Variants in FNDC3B observed in about 807,000 individuals in gnomAD.
FNDC3B encodes the protein fibronectin type III domain containing 3B, also known as fibronectin type III domain-containing protein 3B.
Under a neutral mutation model 151.5 loss-of-function variants are expected in FNDC3B, and 12 were observed. That is an observed-to-expected ratio of 0.08 (90% CI 0.05 to 0.13). The LOEUF (loss-of-function observed/expected upper bound fraction) is 0.13. FNDC3B is among the 10% of genes least tolerant of loss of function. The pLI, the probability that FNDC3B is intolerant of heterozygous loss-of-function variation, is 1.00. For synonymous variants in FNDC3B, 528 were observed against 549.0 expected (o/e 0.96, Z 0.54); for missense variants, 1,214 against 1,505.3 (o/e 0.81, Z 3.20).
intron 2 of FNDC3B, among the ~76,000 whole-genome samples, chr3:172,114,125 T>G (rs1720125045): frequency 6.6e-6 from 1 of 152,200 alleles, no homozygotes; most frequent in Non-Finnish European, 1.5e-5. Context: ...GGCCACGTTC[T>G]TACACCTGGA....
At chr3:172,079,058 C>T (rs1372785781) in intron 1 of FNDC3B, among the ~76,000 whole-genome samples, 2 of 152,058 alleles carry the variant, frequency 1.3e-5, no homozygotes, top group Admixed American at 1.3e-4. Context: ...GCAGTAGGCC[C>T]TTGGTAGAGA....
intron 3 of FNDC3B, among the ~76,000 whole-genome samples, chr3:172,145,507 ACAGTT>A (rs988168827): frequency 6.6e-6 from 1 of 152,236 alleles, no homozygotes; most frequent in Non-Finnish European, 1.5e-5. Flanking sequence ...TGAGTCTTCA[ACAGTT>A]CTCCTTGGTT....
intron 15 of FNDC3B, 42 bp from the exon 16 acceptor site, chr3:172,337,288 A>G (rs1427944034): frequency 7.5e-7 from 1 of 1,332,380 alleles, no homozygotes; most frequent in South Asian, 1.2e-5. Context: ...AATAAAAATC[A>G]ATATCCTTTT....
intron 7 of FNDC3B, among the ~76,000 whole-genome samples, chr3:172,289,151 T>C (rs1373190610): frequency 6.6e-6 from 1 of 152,202 alleles, no homozygotes; most frequent in Non-Finnish European, 1.5e-5. Context: ...TATTTCTTTC[T>C]AGAGGCTTTG....
chr3:172,098,269 C>G lies in FNDC3B; in HGVS notation c.-28-14183C>G, dbSNP rs142045934. 5.3e-3 allele frequency among the ~76,000 whole-genome samples: 802 copies of G among 152,162 alleles called. 4 individuals are homozygous for G. Among genetic ancestry groups the G allele is most frequent in the African/African-American group, 0.019 (776 of 41,516 alleles). On this transcript the variant is annotated intron_variant, in intron 1 of 25. Transcript: ENST00000415807. Reference sequence around the variant, plus strand: ...AGGCTAGTAGTTTAGTATTGAATTGCCAAAATCTATTTATTAATTTCATTT... The same window carrying G: ...AGGCTAGTAGTTTAGTATTGAATTGGCAAAATCTATTTATTAATTTCATTT...
intron 1 of FNDC3B, among the ~76,000 whole-genome samples, chr3:172,091,157 A>G (rs1200417072): frequency 6.6e-6 from 1 of 152,204 alleles, no homozygotes; most frequent in Non-Finnish European, 1.5e-5. Flanking sequence ...GGAGTAGAAT[A>G]TAATAAAACT....
chr3:172,092,831 T>C lies in FNDC3B; in HGVS notation c.-28-19621T>C, dbSNP rs547621085. Among the ~76,000 whole-genome samples, 3 of 152,252 alleles carry C rather than the reference T, an allele frequency of 2.0e-5. No individual in the cohort carries two copies. The South Asian group carries it at 6.2e-4, about 32-fold the overall frequency. On this transcript the variant is annotated intron_variant, in intron 1 of 25. Transcript: ENST00000415807. ...AGATTTTTTTGTTTTGTTTATACAG[T>C]GTCTCACTCTGTTGCCCAGGCCGGA...
chr3:172,378,547 C>A, intron 24 of FNDC3B, 111 bp downstream of exon 24: 1 of 993,512 alleles, frequency 1.0e-6, no homozygotes, highest in Non-Finnish European at 1.4e-6. Flanking sequence ...AAGATAGAAT[C>A]AAAAGAACAT....
chr3:172,183,696 G>A (rs940301015), intron 3 of FNDC3B, among the ~76,000 whole-genome samples: 2 of 152,176 alleles, frequency 1.3e-5, no homozygotes, highest in Admixed American at 6.5e-5. Context: ...ACCTGTTGAA[G>A]TATTATTAAA....
At chr3:172,356,405 A>G (rs1734099659) in intron 22 of FNDC3B, among the ~76,000 whole-genome samples, 1 of 152,248 alleles carries the variant, frequency 6.6e-6, no homozygotes, top group East Asian at 1.9e-4. Context: ...ATGGGGCCTG[A>G]CACATAGTAA....
chr3:172,047,468 T>A (rs1716420864), intron 1 of FNDC3B, among the ~76,000 whole-genome samples: 1 of 152,180 alleles, frequency 6.6e-6, no homozygotes, highest in African/African-American at 2.4e-5. Context: ...AAGAGGAATA[T>A]TTACCTAATT....
chr3:172,401,096 T>A lies in FNDC3B; in HGVS notation c.*3621T>A, dbSNP rs1384389014. 1.3e-5 allele frequency: 2 copies of A among 152,194 alleles called. No homozygotes were observed. The highest frequency in any genetic ancestry group is 2.4e-5 in the African/African-American group (1 of 41,378). 9.4% of individuals were successfully genotyped at this position (152,194 alleles called of 1,614,324 possible). ...CGCCACCACGCCCGGCTAATTTTTT[T>A]AATTTTAGTAGAGTCGGGGTTTCAC... On this transcript the variant is annotated 3_prime_UTR_variant, in exon 26 of 26. Transcript: ENST00000415807.
intron 4 of FNDC3B, among the ~76,000 whole-genome samples, chr3:172,240,388 G>C (rs572130800): frequency 1.3e-5 from 2 of 152,296 alleles, no homozygotes; most frequent in Non-Finnish European, 2.9e-5. Flanking sequence ...ATCAGGTACT[G>C]TTCTAAGAAC....
intron 25 of FNDC3B, among the ~76,000 whole-genome samples, chr3:172,391,375 A>G (rs1735999630): frequency 6.6e-6 from 1 of 152,108 alleles, no homozygotes; most frequent in Non-Finnish European, 1.5e-5. Context: ...AGATGAGAAA[A>G]CTAAGGCACA....
At position 172,194,136 on chromosome 3, in the gene FNDC3B, C is replaced by T. The variant is rs971209583; in HGVS notation, c.188-32735C>T. On this transcript the variant is annotated intron_variant, in intron 3 of 25. Transcript: ENST00000415807. ...TTGGGAGGCTGAGGCAGGAGAACGG[C>T]GTGAACCCGGGGGGCGGAGCCTGCA... Among the ~76,000 whole-genome samples, 45 of 152,128 alleles carry T rather than the reference C, an allele frequency of 3.0e-4. 1 individual carries two copies. Among genetic ancestry groups the T allele is most frequent in the East Asian group, 3.9e-4 (2 of 5,170 alleles).
chr3:172,111,009 G>C (rs1719932232), intron 1 of FNDC3B, among the ~76,000 whole-genome samples: 1 of 150,014 alleles, frequency 6.7e-6, no homozygotes, highest in South Asian at 2.1e-4. Flanking sequence ...TGAGGCAGGA[G>C]AATCGCTTGA....
intron 6 of FNDC3B, among the ~76,000 whole-genome samples, chr3:172,264,710 C>T (rs1034021541): frequency 1.2e-4 from 19 of 152,026 alleles, no homozygotes; most frequent in African/African-American, 4.4e-4. Flanking sequence ...AAAATGATAA[C>T]GATACATGAG....
At chr3:172,133,099 G>A (rs1721186777) in intron 2 of FNDC3B, among the ~76,000 whole-genome samples, 1 of 152,200 alleles carries the variant, frequency 6.6e-6, no homozygotes, top group South Asian at 2.1e-4. Flanking sequence ...GCACTGTTAG[G>A]TCAAAACCTC....
At chr3:172,169,990 C>T (rs769521521) in intron 3 of FNDC3B, among the ~76,000 whole-genome samples, 16 of 152,280 alleles carry the variant, frequency 1.1e-4, no homozygotes, top group Middle Eastern at 3.4e-3. Flanking sequence ...GTTTCTGTCC[C>T]GTCCTCTGCT....
Sources: gnomAD v4.1 joint callset for allele counts (sites outside exome capture counted in the v4.1 genomes callset) on GRCh38, gnomAD v4.1.1 for gene constraint, MANE v1.5 for transcripts, NCBI Gene and HGNC (gene_info 2026-07-23, HGNC 2026-07-21) for gene names.